Variants in DBNL observed in about 807,000 individuals in gnomAD.
DBNL encodes drebrin-like protein.
Under a neutral mutation model 62.2 loss-of-function variants are expected in DBNL, and 35 were observed. The ratio of observed to expected loss-of-function variants is 0.56; its 90% CI spans 0.43 to 0.75. DBNL has a LOEUF of 0.75. DBNL is among the 30% of genes least tolerant of loss of function. The pLI, the probability that DBNL is intolerant of heterozygous loss-of-function variation, is 0.00. For synonymous variants in DBNL, 197 were observed against 218.0 expected (o/e 0.90, Z 0.85); for missense variants, 495 against 578.4 (o/e 0.86, Z 1.48).
At chr7:44,047,624 T>C (rs1446542931) in intron 1 of DBNL, among the ~76,000 whole-genome samples, 3 of 152,228 alleles carry the variant, frequency 2.0e-5, no homozygotes, top group Non-Finnish European at 4.4e-5. Context: ...ATAGCTGCAT[T>C]CCTGTAACTA....
At position 44,064,793 on chromosome 7, in the gene DBNL, G is replaced by GGCCCCCCCCCCCGCCCCCGCT; in HGVS notation, c.*3877_*3878insGCCCCCCCCCCCGCCCCCGCT. On this transcript the variant is annotated 3_prime_UTR_variant, in exon 13 of 13. Coordinates refer to ENST00000448521, the MANE Select transcript of DBNL (RefSeq NM_001014436.3). ...AGATGAGAAGCCAGCTGGGGCTGCT[G>GGCCCCCCCCCCCGCCCCCGCT]CCCACCCACCCTGCCCAGGCTCCTG... is the stretch of plus-strand genomic sequence containing the variant. 1 of 1,136,982 alleles carries GGCCCCCCCCCCCGCCCCCGCT rather than the reference G, an allele frequency of 8.8e-7. No homozygotes were observed. The allele number at this position is 1,136,982 out of a possible 1,614,324, so 70.4% of individuals were successfully genotyped here.
intron 4 of DBNL, among the ~76,000 whole-genome samples, chr7:44,053,828 C>T (rs1473559310): frequency 5.9e-5 from 9 of 152,246 alleles, no homozygotes; most frequent in South Asian, 2.1e-4. Flanking sequence ...AGGCACCCGC[C>T]ACCACGCCCA....
chr7:44,060,306 A>C lies in DBNL; in HGVS notation c.1153+153A>C, dbSNP rs1298719071. 6.6e-6 allele frequency among the ~76,000 whole-genome samples: 1 copy of C among 152,042 alleles called. No homozygotes were observed. The highest frequency in any genetic ancestry group is 1.5e-5 in the Non-Finnish European group (1 of 67,970). Reference sequence around the variant, plus strand: ...CGTTTAGGGGTAGAAGCACCTCTGGAGTGGGGGTGACTGTGGCACTAGAGT... The same window carrying C: ...CGTTTAGGGGTAGAAGCACCTCTGGCGTGGGGGTGACTGTGGCACTAGAGT... On this transcript the variant is annotated intron_variant, in intron 12 of 12. Coordinates refer to ENST00000448521, the MANE Select transcript of DBNL (RefSeq NM_001014436.3). The surrounding 1 kb of genome is among the most constrained non-coding windows in gnomAD (Gnocchi z 6.3).
chr7:44,063,071 A>G lies in DBNL; in HGVS notation c.*2155A>G. ...CAGCCCTGAGAACGAGGCCACAGAA[A>G]TGTTGCCAAAGGTCAAGGAGTAACT... On this transcript the variant is annotated 3_prime_UTR_variant, in exon 13 of 13. Coordinates refer to ENST00000448521, the MANE Select transcript of DBNL (RefSeq NM_001014436.3). 1.1e-6 allele frequency: 1 copy of G among 893,862 alleles called. No homozygotes were observed. Among genetic ancestry groups the G allele is most frequent in the Non-Finnish European group, 1.8e-6 (1 of 550,132 alleles). The allele number at this position is 893,862 out of a possible 1,614,324, so 55.4% of individuals were successfully genotyped here.
rs901085568 is a variant in DBNL, at chr7:44,068,993, A to G, written c.*8077A>G. ...TATAGAGGCCAGAAAGAAGTGGAAC[A>G]TTTTTAGTTTTGAAATAACTGTCAC... is the stretch of plus-strand genomic sequence containing the variant. On this transcript the variant is annotated 3_prime_UTR_variant, in exon 13 of 13. Coordinates refer to ENST00000448521, the MANE Select transcript of DBNL (RefSeq NM_001014436.3). 2.0e-5 allele frequency: 3 copies of G among 152,232 alleles called. No individual in the cohort carries two copies. The highest frequency in any genetic ancestry group is 7.2e-5 in the African/African-American group (3 of 41,460). 9.4% of individuals were successfully genotyped at this position (152,232 alleles called of 1,614,324 possible).
Position 44,064,743 on chromosome 7 carries a change from G to A in DBNL, c.*3827G>A. 8.6e-7 allele frequency: 1 copy of A among 1,167,384 alleles called. No individual in the cohort carries two copies. Among genetic ancestry groups the A allele is most frequent in the Non-Finnish European group, 1.2e-6 (1 of 811,730 alleles). 72.3% of individuals were successfully genotyped at this position (1,167,384 alleles called of 1,614,324 possible). On this transcript the variant is annotated 3_prime_UTR_variant, in exon 13 of 13. Coordinates refer to ENST00000448521, the MANE Select transcript of DBNL (RefSeq NM_001014436.3). The stretch of plus-strand genomic sequence containing the variant: ...GTGGAGCCCCACGCCTAGAAAGCCT[G>A]GTCCATGGGCGAGAGACTTTGCTGA...
intron 3 of DBNL, among the ~76,000 whole-genome samples, chr7:44,052,627 A>G (rs1290386186): frequency 6.6e-6 from 1 of 151,840 alleles, no homozygotes; most frequent in Non-Finnish European, 1.5e-5. Context: ...AAAAAAAAAA[A>G]GAAAATTCAT....
rs2128797632 is a variant in DBNL at position 44,068,288 on chromosome 7, G to A, written c.*7372G>A. On this transcript the variant is annotated 3_prime_UTR_variant, in exon 13 of 13. Transcript: ENST00000448521. Reference sequence around the variant, plus strand: ...GGCTGGAGGTCTTGGTAGGGATGTTGCAGGGAGCTGTTGTGTTTCAGGGAG... The same window carrying A: ...GGCTGGAGGTCTTGGTAGGGATGTTACAGGGAGCTGTTGTGTTTCAGGGAG... 6.6e-6 allele frequency: 1 copy of A among 151,782 alleles called. No homozygotes were observed. Among genetic ancestry groups the A allele is most frequent in the East Asian group, 2.0e-4 (1 of 5,124 alleles). 9.4% of individuals were successfully genotyped at this position (151,782 alleles called of 1,614,324 possible). A position where few individuals can be genotyped will look rare whatever the true frequency, so the allele number is the denominator to read the frequency against.
chr7:44,062,337 C>T lies in DBNL; in HGVS notation c.*1421C>T. The T allele has an allele frequency of 8.7e-6, 2 of 230,578 alleles. No homozygotes were observed. The highest frequency in any genetic ancestry group is 1.2e-4 in the South Asian group (2 of 16,644). 14.3% of individuals were successfully genotyped at this position (230,578 alleles called of 1,614,324 possible). A position where few individuals can be genotyped will look rare whatever the true frequency, so the allele number is the denominator to read the frequency against. On this transcript the variant is annotated 3_prime_UTR_variant, in exon 13 of 13. Coordinates refer to ENST00000448521, the MANE Select transcript of DBNL (RefSeq NM_001014436.3). ...CCAAGAGGCAGGGCTCAAAGTGCCA[C>T]CCGGGGGTTGCAAGGACAGCAGAGG...
chr7:44,065,579 A>C lies in DBNL; in HGVS notation c.*4663A>C, dbSNP rs113274029. 3,149 of 1,553,664 alleles carry C rather than the reference A, an allele frequency of 2.0e-3. 71 individuals carry two copies. The African/African-American group carries it at 0.038, about 19-fold the overall frequency. On this transcript the variant is annotated 3_prime_UTR_variant, in exon 13 of 13. Transcript: ENST00000448521. Reference sequence around the variant, plus strand: ...CTCTGGACGGGGACGGCTGCTTCCCAACACTCCCAGCTTTATAATAGTGTC... The same window carrying C: ...CTCTGGACGGGGACGGCTGCTTCCCCACACTCCCAGCTTTATAATAGTGTC...
At position 44,063,264 on chromosome 7, in the gene DBNL, T is replaced by G. The variant is rs6463215; in HGVS notation, c.*2348T>G. On this transcript the variant is annotated 3_prime_UTR_variant, in exon 13 of 13. Transcript: ENST00000448521. ...GTCAGGAAGGGACACTCACCCTTTG[T>G]TTTTTTTTTTTCTTTTCTTTTTCTT... 0.9 allele frequency: 266,806 copies of G among 295,716 alleles called. 119,012 individuals carry two copies. Among genetic ancestry groups the G allele is most frequent in the African/African-American group, 0.98 (44,978 of 45,926 alleles). The allele number at this position is 295,716 out of a possible 1,614,324, so 18.3% of individuals were successfully genotyped here.
rs1421946884 is a variant in DBNL at position 44,063,916 on chromosome 7, C to T, written c.*3000C>T. ...CGGAAGGGAGAGGAGGCAGGTGGTC[C>T]TTCCCTCTGCCTGGCCCCAGTGCCA... On this transcript the variant is annotated 3_prime_UTR_variant, in exon 13 of 13. Transcript: ENST00000448521. 5 of 152,398 alleles carry T rather than the reference C, an allele frequency of 3.3e-5. No homozygotes were observed. Among genetic ancestry groups the T allele is most frequent in the Non-Finnish European group, 5.9e-5 (4 of 68,190 alleles). The allele number at this position is 152,398 out of a possible 1,614,324, so 9.4% of individuals were successfully genotyped here. A position where few individuals can be genotyped will look rare whatever the true frequency, so the allele number is the denominator to read the frequency against.
At position 44,058,264 on chromosome 7, in the gene DBNL, G is replaced by C. The variant is rs541074419; in HGVS notation, c.688G>C (p.Glu230Gln). ...REQRYQEQGGEASPQRTWEQQ... is the reference protein window; with the variant it reads ...REQRYQEQGGQASPQRTWEQQ... ...GCAGCGCTATCAGGAGCAGGGTGGCGAGGCCAGCCCCCAGAGGTGAGCCAG... is the reference window on the plus strand; with the variant it reads ...GCAGCGCTATCAGGAGCAGGGTGGCCAGGCCAGCCCCCAGAGGTGAGCCAG... The change falls in exon 7 of 13, where the codon GAG (glutamate) becomes CAG (glutamine). Residue 230 changes from glutamate to glutamine, a missense_variant. Physicochemically the swap from Glu to Gln is conservative, Grantham distance 29. Coordinates refer to ENST00000448521, the MANE Select transcript of DBNL (RefSeq NM_001014436.3). 2 of 1,575,808 alleles carry C rather than the reference G, an allele frequency of 1.3e-6. 1 individual carries two copies. Among genetic ancestry groups the C allele is most frequent in the South Asian group, 2.3e-5 (2 of 85,946 alleles).
In DBNL at chr7:44,064,882, A is replaced by G. The variant is rs749757183; in HGVS notation, c.*3966A>G. The G allele has an allele frequency of 5.9e-5, 94 of 1,603,708 alleles. 2 individuals are homozygous for G. The South Asian group carries it at 9.9e-4, about 17-fold the overall frequency. ...CAGGCTGTTCCCGTGGGCTGCAATG[A>G]GCACTCGCTTGCCGGCCTTGATCTG... On this transcript the variant is annotated 3_prime_UTR_variant, in exon 13 of 13. Transcript: ENST00000448521.
intron 1 of DBNL, among the ~76,000 whole-genome samples, chr7:44,048,803 T>C (rs1201320041): frequency 6.6e-6 from 1 of 152,240 alleles, no homozygotes; most frequent in Non-Finnish European, 1.5e-5. Flanking sequence ...GTTCAGTTGC[T>C]GCAAGGTTCA....
At chr7:44,051,576 G>A (rs28736532) in intron 2 of DBNL, 25,193 of 322,768 alleles carry the variant, frequency 0.078, 1,267 homozygotes, top group Middle Eastern at 0.1. Context: ...GTTTTTAAAC[G>A]AGTGTGGGTA....
chr7:44,057,269 G>T lies in DBNL; in HGVS notation c.474+366G>T, dbSNP rs549555514. 2.6e-5 allele frequency among the ~76,000 whole-genome samples: 4 copies of T among 152,356 alleles called. No homozygotes were observed. The South Asian group carries it at 8.3e-4, about 32-fold the overall frequency. On this transcript the variant is annotated intron_variant, in intron 5 of 12. Transcript: ENST00000448521. ...TGGAGGAACTAAAGGAGGCATCAAG[G>T]CGGAGCCTGAAACCAGAGCAGGCCC... is the stretch of plus-strand genomic sequence containing the variant.
rs1037877416 is a variant in DBNL at position 44,066,152 on chromosome 7, C to T, written c.*5236C>T. 6 of 170,980 alleles carry T rather than the reference C, an allele frequency of 3.5e-5. No individual in the cohort carries two copies. The highest frequency in any genetic ancestry group is 1.4e-4 in the African/African-American group (6 of 41,860). 10.6% of individuals were successfully genotyped at this position (170,980 alleles called of 1,614,324 possible). On this transcript the variant is annotated 3_prime_UTR_variant, in exon 13 of 13. Coordinates refer to ENST00000448521, the MANE Select transcript of DBNL (RefSeq NM_001014436.3). ...TTCCAGGACAAAGGGGGAAAGGGCC[C>T]CTGTCTTTCCTCCGGGGTCCCTTTG...
chr7:44,060,566 AG>A lies in DBNL; in HGVS notation c.1154-208del, dbSNP rs2096146812. On this transcript the variant is annotated intron_variant, in intron 12 of 12. Transcript: ENST00000448521. The surrounding 1 kb of genome is among the most constrained non-coding windows in gnomAD (Gnocchi z 6.3). Reference sequence around the variant, plus strand: ...GCCTTTTTTGGGAATGCTCTGTAGGAGGGTATGCCCTGGGGGTGTGGTCACT... The same window carrying A: ...GCCTTTTTTGGGAATGCTCTGTAGGAGGTATGCCCTGGGGGTGTGGTCACT... 6.6e-6 allele frequency among the ~76,000 whole-genome samples: 1 copy of A among 152,070 alleles called. No homozygotes were observed. Among genetic ancestry groups the A allele is most frequent in the East Asian group, 1.9e-4 (1 of 5,158 alleles).
Sources: gnomAD v4.1 joint callset for allele counts (sites outside exome capture counted in the v4.1 genomes callset) on GRCh38, gnomAD v4.1.1 for gene constraint, Gnocchi (gnomAD v3.1) non-coding constraint, MANE v1.5 for transcripts, NCBI Gene and HGNC (gene_info 2026-07-23, HGNC 2026-07-21) for gene names.